The following UBE2O variants were observed in gnomAD, a reference collection of about 807,000 sequenced individuals.
UBE2O encodes the protein (E3-independent) E2 ubiquitin-conjugating enzyme.
UBE2O carries 15 observed loss-of-function variants against 125.8 expected under a neutral mutation model. The ratio of observed to expected loss-of-function variants is 0.12; its 90% CI spans 0.08 to 0.18. The LOEUF is 0.18. UBE2O is among the 10% of genes least tolerant of loss of function. The pLI, the probability that UBE2O is intolerant of heterozygous loss-of-function variation, is 1.00. For synonymous variants in UBE2O, 708 were observed against 703.2 expected (o/e 1.01, Z -0.11); for missense variants, 1,280 against 1,723.6 (o/e 0.74, Z 4.56).
chr17:76,435,971 G>A lies in UBE2O; in HGVS notation c.417+16754C>T, dbSNP rs1191392923. ...CAAATTCTCATCATCGTTAGGCCCC[G>A]TGCGGTGGCTCACGCCTGTAATCCT... On this transcript the variant is annotated intron_variant, in intron 1 of 17. Transcript: ENST00000319380. 5.3e-5 allele frequency among the ~76,000 whole-genome samples: 8 copies of A among 152,244 alleles called. No homozygotes were observed. The South Asian group carries it at 1.2e-3, about 24-fold the overall frequency.
At position 76,398,132 on chromosome 17, in the gene UBE2O, G is replaced by C; in HGVS notation, c.2025+123C>G. 2.2e-6 allele frequency: 3 copies of C among 1,369,130 alleles called. No individual in the cohort carries two copies. In the South Asian group the frequency reaches 3.9e-5, roughly 18 times the overall value. 84.8% of individuals were successfully genotyped at this position (1,369,130 alleles called of 1,614,324 possible). Reference sequence around the variant, plus strand: ...GACTCTGGGGCAGCTGCCCTTCTGAGGACACTGAGCCCAGAGGACTTTCAG... The same window carrying C: ...GACTCTGGGGCAGCTGCCCTTCTGACGACACTGAGCCCAGAGGACTTTCAG... On this transcript the variant is annotated intron_variant, in intron 12 of 17. Transcript: ENST00000319380. The surrounding 1 kb of genome is among the most constrained non-coding windows in gnomAD (Gnocchi z 5.4).
chr17:76,400,419 C>T lies in UBE2O; in HGVS notation c.1004+22G>A. On this transcript the variant is annotated intron_variant, in intron 7 of 17. Transcript: ENST00000319380. This position sits in a 1 kb window ranked among gnomAD's most constrained non-coding sequence, Gnocchi z 4.3. The stretch of plus-strand genomic sequence containing the variant: ...CTGTCCCACGCGTGCCCCTGGGTTG[C>T]TGGCAGTAAGGGCATGCTTACCTGC... The T allele has an allele frequency of 6.2e-7, 1 of 1,602,712 alleles. No homozygotes were observed. The highest frequency in any genetic ancestry group is 8.5e-7 in the Non-Finnish European group (1 of 1,173,096).
In UBE2O at chr17:76,405,499, G is replaced by A. The variant is rs764804416; in HGVS notation, c.477+14C>T. The A allele has an allele frequency of 3.1e-6, 5 of 1,594,456 alleles. No homozygotes were observed. The highest frequency in any genetic ancestry group is 4.3e-6 in the Non-Finnish European group (5 of 1,172,986). On this transcript the variant is annotated intron_variant, in intron 2 of 17. Coordinates refer to ENST00000319380, the MANE Select transcript of UBE2O (RefSeq NM_022066.4). The surrounding 1 kb of genome is among the most constrained non-coding windows in gnomAD (Gnocchi z 6.1). Reference sequence around the variant, plus strand: ...CCCCCAGGCCCGGGGCTGGGGTGGGGACGCAGGACTCACGGTGGATCGCAT... The same window carrying A: ...CCCCCAGGCCCGGGGCTGGGGTGGGAACGCAGGACTCACGGTGGATCGCAT...
intron 1 of UBE2O, among the ~76,000 whole-genome samples, chr17:76,417,343 G>A (rs1402168617): frequency 1.3e-5 from 2 of 152,238 alleles, no homozygotes; most frequent in Non-Finnish European, 2.9e-5. Flanking sequence ...GTCCCTAGAC[G>A]AGGACCTCTT....
At chr17:76,450,251 C>T (rs2073217369) in intron 1 of UBE2O, among the ~76,000 whole-genome samples, 1 of 152,124 alleles carries the variant, frequency 6.6e-6, no homozygotes, top group Admixed American at 6.5e-5. Context: ...TCCTAAGCCA[C>T]AGTTCTGCAA....
chr17:76,415,037 G>C (rs2072577864), intron 1 of UBE2O, among the ~76,000 whole-genome samples: 1 of 152,208 alleles, frequency 6.6e-6, no homozygotes, highest in African/African-American at 2.4e-5. Context: ...TGTCAGGCCT[G>C]ACTGGGTATC....
Position 76,396,112 on chromosome 17 carries a change from G to A in UBE2O, c.2809+16C>T. 1 of 1,609,968 alleles carries A rather than the reference G, an allele frequency of 6.2e-7. No homozygotes were observed. The highest frequency in any genetic ancestry group is 1.1e-5 in the South Asian group (1 of 90,710). On this transcript the variant is annotated intron_variant, in intron 14 of 17. Transcript: ENST00000319380. This position sits in a 1 kb window ranked among gnomAD's most constrained non-coding sequence, Gnocchi z 6.7. ...GAAGGCGGGGGAAGGCGAAGACCAG[G>A]CAAGGGCTGACTCACAGGGTGCAAA...
In UBE2O at chr17:76,398,491, G is replaced by A. The variant is rs1282124891; in HGVS notation, c.1877C>T (p.Pro626Leu). ...TCMVKWFKLR[P>L]SGDDVELIGE... ...ACACACCTCCACGTCGTCCCCACTC[G>A]GCCTCAGCTTGAACCACTTCACCAT... The change falls in exon 11 of 18, where the codon CCG (proline) becomes CTG (leucine). Residue 626 changes from proline to leucine, a missense_variant. Physicochemically the swap from Pro to Leu is moderately conservative, Grantham distance 98. Around this residue, in one of 10 missense-constraint regions of UBE2O, gnomAD observed 145 missense variants for 219.6 expected, o/e 0.66. Transcript: ENST00000319380. The surrounding 1 kb of genome is among the most constrained non-coding windows in gnomAD (Gnocchi z 5.4). 14 of 1,614,042 alleles carry A rather than the reference G, an allele frequency of 8.7e-6. No individual in the cohort carries two copies. The highest frequency in any genetic ancestry group is 1.1e-5 in the Non-Finnish European group (13 of 1,180,004).
chr17:76,406,656 T>G, intron 1 of UBE2O, among the ~76,000 whole-genome samples: 1 of 146,612 alleles, frequency 6.8e-6, no homozygotes, highest in Non-Finnish European at 1.5e-5. Context: ...CAACCAGCAG[T>G]GCAGAGAGTC....
Position 76,395,772 on chromosome 17 carries a change from T to C in UBE2O, c.2899A>G (p.Thr967Ala), listed in dbSNP as rs2072196195. Reference sequence around the variant, plus strand: ...ACCATGATGCCCTCAGGCAGTGAGGTAGCCAGCAGCGCCATCTCCTTCCGC... The same window carrying C: ...ACCATGATGCCCTCAGGCAGTGAGGCAGCCAGCAGCGCCATCTCCTTCCGC... ...TVRKEMALLA[T>A]SLPEGIMVKT... The change falls in exon 15 of 18, where the codon ACC (threonine) becomes GCC (alanine). Residue 967 changes from threonine to alanine, a missense_variant. Thr to Ala is a moderately conservative substitution (Grantham distance 58). Around this residue, in one of 10 missense-constraint regions of UBE2O, gnomAD observed 116 missense variants for 154.8 expected, o/e 0.75. Coordinates refer to ENST00000319380, the MANE Select transcript of UBE2O (RefSeq NM_022066.4). The surrounding 1 kb of genome is among the most constrained non-coding windows in gnomAD (Gnocchi z 5.0). 3.7e-6 allele frequency: 6 copies of C among 1,614,214 alleles called. No homozygotes were observed. The highest frequency in any genetic ancestry group is 5.1e-6 in the Non-Finnish European group (6 of 1,180,034).
chr17:76,395,525 A>G lies in UBE2O; in HGVS notation c.2946+200T>C. On this transcript the variant is annotated intron_variant, in intron 15 of 17. Coordinates refer to ENST00000319380, the MANE Select transcript of UBE2O (RefSeq NM_022066.4). The surrounding 1 kb of genome is among the most constrained non-coding windows in gnomAD (Gnocchi z 5.0). Reference sequence around the variant, plus strand: ...AATTTTTTAAAGGAGGGAGGAAAGAAAGAACCATCTGGCCTGGACACACGG... The same window carrying G: ...AATTTTTTAAAGGAGGGAGGAAAGAGAGAACCATCTGGCCTGGACACACGG... The G allele has an allele frequency of 1.8e-6, 1 of 542,926 alleles. No homozygotes were observed. 33.6% of individuals were successfully genotyped at this position (542,926 alleles called of 1,614,324 possible). A position where few individuals can be genotyped will look rare whatever the true frequency, so the allele number is the denominator to read the frequency against.
intron 1 of UBE2O, among the ~76,000 whole-genome samples, chr17:76,421,892 A>G (rs919488547): frequency 5.3e-5 from 8 of 152,164 alleles, no homozygotes; most frequent in African/African-American, 1.7e-4. Flanking sequence ...AGGAGTCTGG[A>G]AAAGACAAGA....
At position 76,452,630 on chromosome 17, in the gene UBE2O, C is replaced by T; in HGVS notation, c.417+95G>A. On this transcript the variant is annotated intron_variant, in intron 1 of 17. Coordinates refer to ENST00000319380, the MANE Select transcript of UBE2O (RefSeq NM_022066.4). This position sits in a 1 kb window ranked among gnomAD's most constrained non-coding sequence, Gnocchi z 4.4. ...CCCGCGTCGGCCACTGCAGTGGCAC[C>T]GCTCCGGGCAGGGCCCTGCACGCCG... is the stretch of plus-strand genomic sequence containing the variant. 1 of 1,196,568 alleles carries T rather than the reference C, an allele frequency of 8.4e-7. No individual in the cohort carries two copies. The highest frequency in any genetic ancestry group is 1.1e-6 in the Non-Finnish European group (1 of 938,314). 74.1% of individuals were successfully genotyped at this position (1,196,568 alleles called of 1,614,324 possible).
In UBE2O at chr17:76,399,224, G is replaced by T; in HGVS notation, c.1628+225C>A. 1.4e-6 allele frequency: 1 copy of T among 723,008 alleles called. No homozygotes were observed. The highest frequency in any genetic ancestry group is 2.2e-6 in the Non-Finnish European group (1 of 448,040). The allele number at this position is 723,008 out of a possible 1,614,324, so 44.8% of individuals were successfully genotyped here. On this transcript the variant is annotated intron_variant, in intron 9 of 17. Coordinates refer to ENST00000319380, the MANE Select transcript of UBE2O (RefSeq NM_022066.4). This position sits in a 1 kb window ranked among gnomAD's most constrained non-coding sequence, Gnocchi z 6.9. ...GCTCAGGCAAATGTGGTTCCAGAAG[G>T]CCAAGCTTAAGGCCACCACCATCCC...
Position 76,390,839 on chromosome 17 carries a change from C to T in UBE2O, c.*104G>A. 2.5e-6 allele frequency: 3 copies of T among 1,191,722 alleles called. No homozygotes were observed. The highest frequency in any genetic ancestry group is 1.5e-5 in the African/African-American group (1 of 65,860). The allele number at this position is 1,191,722 out of a possible 1,614,324, so 73.8% of individuals were successfully genotyped here. On this transcript the variant is annotated 3_prime_UTR_variant, in exon 18 of 18. Coordinates refer to ENST00000319380, the MANE Select transcript of UBE2O (RefSeq NM_022066.4). ...TGGGGAGAAGAGGGCAGTGGGTTTGCAGTGGGGACAGAGGGGCATGGGAAG... is the reference window on the plus strand; with the variant it reads ...TGGGGAGAAGAGGGCAGTGGGTTTGTAGTGGGGACAGAGGGGCATGGGAAG...
intron 1 of UBE2O, among the ~76,000 whole-genome samples, chr17:76,423,693 A>AAATAAAT (rs2072747530): frequency 2.2e-5 from 3 of 135,896 alleles, no homozygotes; most frequent in African/African-American, 8.4e-5. Flanking sequence ...ACTCCATCTC[A>AAATAAAT]AAATAAATAA....
intron 1 of UBE2O, among the ~76,000 whole-genome samples, chr17:76,428,201 T>C (rs1368848613): frequency 6.6e-6 from 1 of 152,224 alleles, no homozygotes; most frequent in Non-Finnish European, 1.5e-5. Flanking sequence ...CAGTCTTTTG[T>C]ATGTGACCCG....
intron 1 of UBE2O, among the ~76,000 whole-genome samples, chr17:76,428,020 TTC>T (rs778026805): frequency 2.4e-4 from 37 of 152,312 alleles, no homozygotes; most frequent in Non-Finnish European, 4.0e-4. Context: ...TTGCTTTCGG[TTC>T]TCTGTTTTTC....
chr17:76,397,087 G>A (rs2072224080), intron 13 of UBE2O, among the ~76,000 whole-genome samples: 1 of 152,202 alleles, frequency 6.6e-6, no homozygotes, highest in South Asian at 2.1e-4. Context: ...CCTGCTCTGT[G>A]CACTTCGTCA....
Sources: gnomAD v4.1 joint callset for allele counts (sites outside exome capture counted in the v4.1 genomes callset) on GRCh38, gnomAD v4.1.1 for gene constraint, gnomAD v4.1.1 regional missense constraint, Gnocchi (gnomAD v3.1) non-coding constraint, MANE v1.5 for transcripts, NCBI Gene and HGNC (gene_info 2026-07-23, HGNC 2026-07-21) for gene names.